The following PDE8B variants were observed in gnomAD, a reference collection of about 807,000 sequenced individuals.
The protein encoded by PDE8B is high affinity cAMP-specific and IBMX-insensitive 3',5'-cyclic phosphodiesterase 8B.
PDE8B carries 26 observed loss-of-function variants against 101.3 expected under a neutral mutation model. The ratio of observed to expected loss-of-function variants is 0.26; its 90% confidence interval spans 0.19 to 0.36. The LOEUF (loss-of-function observed/expected upper bound fraction) is 0.36. Among genes scored for constraint, PDE8B ranks in the 10% least tolerant of loss-of-function variants. The pLI is 1.00. For synonymous variants in PDE8B, 424 were observed against 429.3 expected (o/e 0.99, Z 0.15); for missense variants, 810 against 1,163.1 (o/e 0.70, Z 4.42).
At chr5:77,417,601 A>G (rs1795834206) in intron 17 of PDE8B, among the ~76,000 whole-genome samples, 1 of 152,148 alleles carries the variant, frequency 6.6e-6, no homozygotes, top group Non-Finnish European at 1.5e-5. Flanking sequence ...TTGTTTCTTT[A>G]ATTACATAAT....
At chr5:77,377,324 T>C (rs1434648220) in intron 10 of PDE8B, among the ~76,000 whole-genome samples, 1 of 152,180 alleles carries the variant, frequency 6.6e-6, no homozygotes, top group Non-Finnish European at 1.5e-5. Flanking sequence ...CTCGTGCTTC[T>C]CAAAGGATGG....
chr5:77,360,178 T>C (rs1021968053), intron 10 of PDE8B, among the ~76,000 whole-genome samples: 1 of 152,190 alleles, frequency 6.6e-6, no homozygotes, highest in African/African-American at 2.4e-5. Context: ...AAATTAATGT[T>C]ATCTATTCAT....
the PDE8B span, among the ~76,000 whole-genome samples, chr5:77,123,078 T>A: frequency 6.6e-6 from 1 of 152,186 alleles, no homozygotes; most frequent in Non-Finnish European, 1.5e-5. Flanking sequence ...TTTTCTGTTG[T>A]TATAACCAAA....
intron 10 of PDE8B, among the ~76,000 whole-genome samples, chr5:77,396,616 C>T (rs1009745650): frequency 3.3e-5 from 5 of 152,164 alleles, no homozygotes; most frequent in Non-Finnish European, 7.3e-5. Context: ...CATTCTCTAT[C>T]CTTTTATCCT....
chr5:77,419,693 A>G (rs1796234736), intron 18 of PDE8B, 74 bp from the exon 19 acceptor site: 1 of 1,552,168 alleles, frequency 6.4e-7, no homozygotes. Flanking sequence ...TGAGGAGTGT[A>G]GTGAAATGGT....
chr5:77,378,235 TG>T (rs1454745461), intron 10 of PDE8B, among the ~76,000 whole-genome samples: 1 of 151,120 alleles, frequency 6.6e-6, no homozygotes, highest in Non-Finnish European at 1.5e-5. Flanking sequence ...CTGAGGCGGG[TG>T]GATCATGAGC....
chr5:77,276,260 T>C (rs1342440009), intron 1 of PDE8B, among the ~76,000 whole-genome samples: 1 of 152,140 alleles, frequency 6.6e-6, no homozygotes, highest in Admixed American at 6.5e-5. Context: ...GCGCCTGCTG[T>C]TCCCTCTGCT....
intron 6 of PDE8B, among the ~76,000 whole-genome samples, chr5:77,337,641 C>T (rs1051171877): frequency 2.0e-5 from 3 of 152,156 alleles, no homozygotes; most frequent in African/African-American, 7.2e-5. Context: ...TTCCTACTTT[C>T]AATATTTATA....
At chr5:77,317,978 C>T (rs1389178194) in intron 2 of PDE8B, among the ~76,000 whole-genome samples, 2 of 143,690 alleles carry the variant, frequency 1.4e-5, no homozygotes, top group African/African-American at 2.6e-5. Flanking sequence ...ATTGCTTGAA[C>T]CTGGGAGGTG....
At chr5:77,109,913 G>C in the PDE8B span, among the ~76,000 whole-genome samples, 1 of 134,400 alleles carries the variant, frequency 7.4e-6, no homozygotes, top group Non-Finnish European at 1.6e-5. Context: ...ATATTTTACT[G>C]CCTTTGTATT....
At chr5:77,114,946 G>T in the PDE8B span, 1 of 151,960 alleles carries the variant, frequency 6.6e-6, no homozygotes, top group Admixed American at 6.5e-5. Context: ...ATGTTTTTTA[G>T]TCTCTTAAAT....
the PDE8B span, among the ~76,000 whole-genome samples, chr5:77,190,530 A>G: frequency 6.6e-6 from 1 of 152,250 alleles, no homozygotes; most frequent in African/African-American, 2.4e-5. Context: ...TTTAGCGGCC[A>G]GTACTAAGTG....
At chr5:77,241,011 A>T (rs1755659460) in intron 1 of PDE8B, among the ~76,000 whole-genome samples, 1 of 152,240 alleles carries the variant, frequency 6.6e-6, no homozygotes, top group African/African-American at 2.4e-5. Flanking sequence ...TAGTGCAAAA[A>T]TGAGGGATAA....
chr5:77,372,586 G>C (rs1486589304), intron 10 of PDE8B, among the ~76,000 whole-genome samples: 1 of 152,190 alleles, frequency 6.6e-6, no homozygotes, highest in Non-Finnish European at 1.5e-5. Flanking sequence ...TTCATAAGAA[G>C]ATCTTTTTTC....
In PDE8B at chr5:77,306,675, T is replaced by C. The variant is rs551588589; in HGVS notation, c.340-5319T>C. 1.7e-3 allele frequency among the ~76,000 whole-genome samples: 253 copies of C among 152,322 alleles called. 2 individuals carry two copies. Among genetic ancestry groups the C allele is most frequent in the African/African-American group, 5.8e-3 (243 of 41,562 alleles). ...GCTCTAAAACTCGATGCCAAGTTAC[T>C]TAACAAAATTCCTGAAGCTGAAACT... On this transcript the variant is annotated intron_variant, in intron 1 of 21. Coordinates refer to ENST00000264917, the MANE Select transcript of PDE8B (RefSeq NM_003719.5).
chr5:77,123,245 A>G, the PDE8B span, among the ~76,000 whole-genome samples: 1 of 151,982 alleles, frequency 6.6e-6, no homozygotes, highest in Non-Finnish European at 1.5e-5. Flanking sequence ...AGAAGGAGCT[A>G]AGCATGCTAG....
Position 77,242,627 on chromosome 5 carries a change from T to A in PDE8B, c.339+31363T>A, listed in dbSNP as rs533170328. Among the ~76,000 whole-genome samples, 3 of 152,350 alleles carry A rather than the reference T, an allele frequency of 2.0e-5. No individual in the cohort carries two copies. The East Asian group carries it at 5.8e-4, about 29-fold the overall frequency. Reference sequence around the variant, plus strand: ...ACATCAGCTCCTTCTGTTAGAAGTTTTATATCAAAATGTCAGTCAAATTTC... The same window carrying A: ...ACATCAGCTCCTTCTGTTAGAAGTTATATATCAAAATGTCAGTCAAATTTC... On this transcript the variant is annotated intron_variant, in intron 1 of 21. Transcript: ENST00000264917.
At position 77,407,413 on chromosome 5, in the gene PDE8B, A is replaced by G. The variant is rs1378428477; in HGVS notation, c.1321A>G (p.Met441Val). Residue 441 changes from methionine (M) to valine (V), a missense_variant, in exon 13 of 22, where the codon ATG becomes GTG. Physicochemically the swap from Met to Val is conservative, Grantham distance 21. Around this residue, in one of 4 missense-constraint regions of PDE8B, gnomAD observed 325 missense variants for 560.9 expected, o/e 0.58. Transcript: ENST00000264917. ...PSLQNRRYPS[M>V]ARIHSMTIEA... ...CCTGCAGAATCGTCGCTATCCGTCC[A>G]TGGCGAGGATCCACTCCATGACCAT... The G allele has an allele frequency of 1.2e-6, 2 of 1,614,012 alleles. No homozygotes were observed.
At chr5:77,214,740 A>G (rs1749277887) in intron 1 of PDE8B, among the ~76,000 whole-genome samples, 1 of 152,162 alleles carries the variant, frequency 6.6e-6, no homozygotes, top group South Asian at 2.1e-4. Context: ...TTTTGGAGTC[A>G]AACTTTACGC....
Sources: allele counts gnomAD v4.1 joint callset (sites outside exome capture counted in the v4.1 genomes callset), GRCh38; gene constraint gnomAD v4.1.1; regional missense constraint gnomAD v4.1.1; transcripts MANE v1.5; gene names NCBI Gene and HGNC (gene_info 2026-07-23, HGNC 2026-07-21).